Variants in ANKRD30BL observed in about 807,000 individuals in gnomAD.
ANKRD30BL encodes the protein putative ankyrin repeat domain-containing protein 30B-like.
ANKRD30BL carries 20 observed loss-of-function variants against 18.4 expected under a neutral mutation model. The observed-to-expected ratio is 1.09, with a 90% CI of 0.77 to 1.58. ANKRD30BL has a LOEUF of 1.58. ANKRD30BL is among the 40% of genes most tolerant of loss of function. The pLI is 0.00. For missense variants in ANKRD30BL, 224 were observed against 268.6 expected (o/e 0.83, Z 1.16); for synonymous variants, 72 against 100.9 (o/e 0.71, Z 1.72).
intron 1 of ANKRD30BL, among the ~76,000 whole-genome samples, chr2:132,197,648 G>A (rs1678994312): frequency 6.6e-6 from 1 of 151,650 alleles, no homozygotes; most frequent in Non-Finnish European, 1.5e-5. Flanking sequence ...AGAGAGGTTT[G>A]TTAACTTTTC....
At chr2:132,234,356 T>C (rs1031349082) in intron 1 of ANKRD30BL, among the ~76,000 whole-genome samples, 2 of 151,284 alleles carry the variant, frequency 1.3e-5, no homozygotes, top group African/African-American at 4.9e-5. Flanking sequence ...CTGAAGGAAA[T>C]AGAGACACAA....
chr2:132,217,168 A>T (rs1288321469), intron 1 of ANKRD30BL, among the ~76,000 whole-genome samples: 1 of 151,724 alleles, frequency 6.6e-6, no homozygotes, highest in African/African-American at 2.4e-5. Flanking sequence ...AGTTGGACAC[A>T]CTTTATCATA....
chr2:132,191,310 G>T (rs897879316), intron 1 of ANKRD30BL, among the ~76,000 whole-genome samples: 5 of 152,160 alleles, frequency 3.3e-5, no homozygotes, highest in African/African-American at 9.6e-5. Context: ...CCTTTAGCCT[G>T]TTGGTGAACC....
Position 132,161,678 on chromosome 2 carries a change from T to C in ANKRD30BL, c.28A>G (p.Lys10Glu). Reference protein sequence around the residue: MERLSAAPVKGQTGPERPSP... With the variant: MERLSAAPVEGQTGPERPSP... Reference sequence around the variant, plus strand: ...GGGCGCTCTGGGCCCGTCTGGCCCTTGACAGGGGCGGCAGAGAGCCTCTCC... The same window carrying C: ...GGGCGCTCTGGGCCCGTCTGGCCCTCGACAGGGGCGGCAGAGAGCCTCTCC... The change falls in exon 1 of 6, where the codon AAG (lysine) becomes GAG (glutamate). Residue 10 changes from lysine to glutamate, a missense_variant. By Grantham distance (56) the Lys-to-Glu change is moderately conservative. Coordinates refer to ENST00000409867, the MANE Select transcript of ANKRD30BL (RefSeq NM_001358416.1). The C allele has an allele frequency of 6.9e-7, 1 of 1,449,256 alleles. No homozygotes were observed. Among genetic ancestry groups the C allele is most frequent in the Non-Finnish European group, 9.5e-7 (1 of 1,056,674 alleles). The allele number at this position is 1,449,256 out of a possible 1,614,324, so 89.8% of individuals were successfully genotyped here. A position where few individuals can be genotyped will look rare whatever the true frequency, so the allele number is the denominator to read the frequency against.
chr2:132,210,171 G>A (rs796377505), intron 1 of ANKRD30BL, among the ~76,000 whole-genome samples: 1 of 151,562 alleles, frequency 6.6e-6, no homozygotes, highest in East Asian at 2.0e-4. Flanking sequence ...GGAGCGCTTT[G>A]CGGCCTATAG....
chr2:132,222,860 A>G (rs1244146815), intron 1 of ANKRD30BL, among the ~76,000 whole-genome samples: 2 of 144,732 alleles, frequency 1.4e-5, no homozygotes, highest in African/African-American at 5.5e-5. Flanking sequence ...AAAAAAAAAA[A>G]AAAAGAAACA....
intron 4 of ANKRD30BL, chr2:132,153,507 C>T (rs1334179232): frequency 2.1e-6 from 1 of 478,656 alleles, no homozygotes; most frequent in Admixed American, 2.3e-5. Context: ...TCAAAAACTA[C>T]CTGAAACAAA....
In ANKRD30BL at chr2:132,161,619, G is replaced by A. The variant is rs111295191; in HGVS notation, c.87C>T (p.Asn29=). The A allele has an allele frequency of 1.6e-5, 23 of 1,451,848 alleles. No homozygotes were observed. In the South Asian group the frequency reaches 2.3e-4, roughly 15 times the overall value. The allele number at this position is 1,451,848 out of a possible 1,614,324, so 89.9% of individuals were successfully genotyped here. Residue 29 remains asparagine (N), a synonymous_variant, in exon 1 of 6, where the codon AAC becomes AAT. Transcript: ENST00000409867. ...CCCCATGGTGAATCACGTAAGAGTC[G>A]TTGTTGGTGTAGACCAGCTGACTGA... ...SPFSQLVYTN[N]DSYVIHHGDL...
chr2:132,208,580 G>T (rs1446920718), intron 1 of ANKRD30BL, among the ~76,000 whole-genome samples: 1 of 152,054 alleles, frequency 6.6e-6, no homozygotes, highest in Non-Finnish European at 1.5e-5. Flanking sequence ...CAGCTAAATA[G>T]TGAAGACACT....
chr2:132,218,883 T>C (rs1403083661), intron 1 of ANKRD30BL, among the ~76,000 whole-genome samples: 1 of 152,130 alleles, frequency 6.6e-6, no homozygotes, highest in African/African-American at 2.4e-5. Flanking sequence ...AACCTTTCTT[T>C]TGATAGAGCT....
intron 1 of ANKRD30BL, among the ~76,000 whole-genome samples, chr2:132,230,837 AG>A (rs1456291451): frequency 1.3e-5 from 2 of 152,130 alleles, no homozygotes; most frequent in African/African-American, 4.8e-5. Context: ...ACTACACAGA[AG>A]CATTCTCAGA....
chr2:132,232,633 G>GA (rs1680054658), intron 1 of ANKRD30BL, among the ~76,000 whole-genome samples: 1 of 152,018 alleles, frequency 6.6e-6, no homozygotes, highest in Non-Finnish European at 1.5e-5. Context: ...GAAGTTTAGA[G>GA]AAAAAAGAAT....
chr2:132,189,853 TAATC>T (rs1678809587), intron 1 of ANKRD30BL, among the ~76,000 whole-genome samples: 1 of 152,126 alleles, frequency 6.6e-6, no homozygotes, highest in African/African-American at 2.4e-5. Flanking sequence ...AGATACTCCA[TAATC>T]ACCACTGTTT....
chr2:132,198,807 G>A (rs912406212), intron 1 of ANKRD30BL, among the ~76,000 whole-genome samples: 1 of 151,746 alleles, frequency 6.6e-6, no homozygotes, highest in African/African-American at 2.4e-5. Flanking sequence ...TAGTAGAGAC[G>A]ACGTTTCGCC....
intron 1 of ANKRD30BL, among the ~76,000 whole-genome samples, chr2:132,169,850 A>T (rs1367178224): frequency 6.6e-6 from 1 of 151,904 alleles, no homozygotes; most frequent in Non-Finnish European, 1.5e-5. Context: ...TAAATTAAAC[A>T]GCCATTTAGT....
At chr2:132,166,845 T>C (rs1346227146), upstream of ANKRD30BL, among the ~76,000 whole-genome samples, 4 of 152,050 alleles carry the variant, frequency 2.6e-5, no homozygotes, top group Non-Finnish European at 5.9e-5. Context: ...GTTATTTACT[T>C]TGGATTTTCT....
rs567890035 is a variant in ANKRD30BL at position 132,255,929 on chromosome 2, C to G, written n.441+1600G>C. Among the ~76,000 whole-genome samples the G allele has an allele frequency of 6.1e-3, 922 of 152,280 alleles. 10 individuals carry two copies. Among genetic ancestry groups the G allele is most frequent in the Non-Finnish European group, 4.7e-3 (321 of 68,034 alleles). On this transcript the variant is annotated intron_variant and non_coding_transcript_variant, in intron 1 of 4. Transcript: ENST00000470729. Reference sequence around the variant, plus strand: ...CACCAAAGCTGGCGGCACCCGACCCCCCGGCCGGGGACGGAGAGGGGCTGA... The same window carrying G: ...CACCAAAGCTGGCGGCACCCGACCCGCCGGCCGGGGACGGAGAGGGGCTGA...
intron 1 of ANKRD30BL, among the ~76,000 whole-genome samples, chr2:132,244,801 G>T (rs200786888): frequency 1.3e-5 from 2 of 152,308 alleles, no homozygotes; most frequent in African/African-American, 4.8e-5. Flanking sequence ...AAACTTCTTT[G>T]TGATGTTTGC....
chr2:132,172,867 C>A (rs1045001293), intron 1 of ANKRD30BL, among the ~76,000 whole-genome samples: 17 of 152,022 alleles, frequency 1.1e-4, no homozygotes, highest in Non-Finnish European at 2.1e-4. Flanking sequence ...ACCACCATGC[C>A]CAGCTAATTT....
Sources: allele counts gnomAD v4.1 joint callset (sites outside exome capture counted in the v4.1 genomes callset), GRCh38; gene constraint gnomAD v4.1.1; transcripts MANE v1.5; gene names NCBI Gene and HGNC (gene_info 2026-07-23, HGNC 2026-07-21).